Variants in ANKS4B observed in about 807,000 individuals in gnomAD.
The protein encoded by ANKS4B is ankyrin repeat and sterile alpha motif domain containing 4B.
A neutral mutation model predicts 20.2 loss-of-function variants in ANKS4B; 21 were observed. The observed-to-expected ratio is 1.04, with a 90% CI of 0.74 to 1.50. The LOEUF (loss-of-function observed/expected upper bound fraction) is 1.50, where lower values mean the gene tolerates loss of function less well. Among genes scored for constraint, ANKS4B ranks in the 40% most tolerant of loss-of-function variants. ANKS4B has a pLI of 0.00. For missense variants in ANKS4B, 473 were observed against 494.6 expected, an observed-to-expected ratio of 0.96 and a Z score of 0.41; for synonymous variants, 179 against 194.5, an observed-to-expected ratio of 0.92 and a Z score of 0.66.
Position 21,250,813 on chromosome 16 carries a change from G to A in ANKS4B, c.1247G>A (p.Ser416Asn). 6.3e-7 allele frequency: 1 copy of A among 1,588,520 alleles called. No individual in the cohort carries two copies. The highest frequency in any genetic ancestry group is 2.3e-5 in the East Asian group (1 of 44,290). Residue 416 changes from serine to asparagine, a missense_variant, in exon 2 of 2, where the codon AGC becomes AAC. Physicochemically the swap from Ser to Asn is conservative, Grantham distance 46. Transcript: ENST00000311620. ...LQQPGQLVDT[S>N]L ...CAGCCTGGGCAGCTGGTCGACACCA[G>A]CCTGTGATGGAGAGTTTTGGCCTGG...
At chr16:21,239,930 T>C (rs974550318) in intron 1 of ANKS4B, among the ~76,000 whole-genome samples, 1 of 152,126 alleles carries the variant, frequency 6.6e-6, no homozygotes, top group African/African-American at 2.4e-5. Flanking sequence ...AGTTTACCTA[T>C]ATAACAAACC....
chr16:21,234,817 A>G (rs1466251137), intron 1 of ANKS4B, among the ~76,000 whole-genome samples: 1 of 152,066 alleles, frequency 6.6e-6, no homozygotes, highest in East Asian at 1.9e-4. Flanking sequence ...TGAGAGGGGA[A>G]GACAAGACAT....
intron 1 of ANKS4B, among the ~76,000 whole-genome samples, chr16:21,244,938 G>A (rs1012129616): frequency 1.3e-5 from 2 of 152,062 alleles, no homozygotes; most frequent in Admixed American, 1.3e-4. Flanking sequence ...CACACACTCT[G>A]GTCACGCTGA....
Position 21,239,908 on chromosome 16 carries a change from A to C in ANKS4B, c.164+6007A>C, listed in dbSNP as rs77746438. Reference sequence around the variant, plus strand: ...GGTGACAAAATTATCTACAACAAACACTCGTGATATGAGTTTACCTATATA... The same window carrying C: ...GGTGACAAAATTATCTACAACAAACCCTCGTGATATGAGTTTACCTATATA... On this transcript the variant is annotated intron_variant, in intron 1 of 1. Coordinates refer to ENST00000311620, the MANE Select transcript of ANKS4B (RefSeq NM_145865.3). Among the ~76,000 whole-genome samples the C allele has an allele frequency of 5.9e-3, 902 of 151,994 alleles. 35 individuals carry two copies. The East Asian group carries it at 0.084, about 14-fold the overall frequency.
rs1198402988 is a variant in ANKS4B at position 21,250,222 on chromosome 16, TG to T, written c.660del (p.Lys221ArgfsTer10). ...AAGAACAAAGATACAGCAGAACAGG[TG>T]GGGAAGGAAGGCAGAAGTGGGCAGA... Reference protein sequence around the residue: ...FKKNKDTAEQVGKEGRSGQRN... With the variant: ...FKKNKDTAEQXGKEGRSGQRN... On this transcript the variant is annotated frameshift_variant, in exon 2 of 2. Coordinates refer to ENST00000311620, the MANE Select transcript of ANKS4B (RefSeq NM_145865.3). LOFTEE classifies it high-confidence loss of function. The T allele has an allele frequency of 6.2e-7, 1 of 1,613,626 alleles. No individual in the cohort carries two copies. Among genetic ancestry groups the T allele is most frequent in the Non-Finnish European group, 8.5e-7 (1 of 1,179,922 alleles).
intron 1 of ANKS4B, chr16:21,239,013 AG>A (rs1397146061): frequency 1.3e-5 from 2 of 152,226 alleles, no homozygotes; most frequent in African/African-American, 4.8e-5. Flanking sequence ...AACCAGTGTG[AG>A]GTCAAATTTC....
At chr16:21,235,686 A>G (rs889186712) in intron 1 of ANKS4B, among the ~76,000 whole-genome samples, 4 of 152,134 alleles carry the variant, frequency 2.6e-5, no homozygotes, top group African/African-American at 9.7e-5. Context: ...AAGGAAAAGG[A>G]GGGTTAAGGT....
chr16:21,247,444 C>T (rs900992315), intron 1 of ANKS4B, among the ~76,000 whole-genome samples: 5 of 152,104 alleles, frequency 3.3e-5, no homozygotes, highest in East Asian at 1.9e-4. Flanking sequence ...ATGGTCGTGG[C>T]GCACTAACAG....
At chr16:21,238,914 G>A (rs2093323293) in intron 1 of ANKS4B, 1 of 152,020 alleles carries the variant, frequency 6.6e-6, no homozygotes, top group Non-Finnish European at 1.5e-5. Flanking sequence ...AAAGCATCTG[G>A]GATCTGCTGT....
rs72782831 is a variant in ANKS4B at position 21,237,523 on chromosome 16, G to A, written c.164+3622G>A. On this transcript the variant is annotated intron_variant, in intron 1 of 1. Coordinates refer to ENST00000311620, the MANE Select transcript of ANKS4B (RefSeq NM_145865.3). ...GGTGTCTGATGACAGCCCTGTCTCC[G>A]CTTCCAAGATGGTGCCTTGTTGTTG... 4.1e-3 allele frequency among the ~76,000 whole-genome samples: 621 copies of A among 151,682 alleles called. 3 individuals carry two copies. The highest frequency in any genetic ancestry group is 0.015 in the South Asian group (72 of 4,794).
intron 1 of ANKS4B, among the ~76,000 whole-genome samples, chr16:21,245,302 C>T (rs1258927698): frequency 6.6e-6 from 1 of 152,132 alleles, no homozygotes; most frequent in Non-Finnish European, 1.5e-5. Flanking sequence ...CATTCAGTCA[C>T]TTACATGACT....
chr16:21,249,401 G>T (rs2093335957), intron 1 of ANKS4B, among the ~76,000 whole-genome samples: 2 of 152,214 alleles, frequency 1.3e-5, no homozygotes, highest in African/African-American at 4.8e-5. Context: ...ACCTGAGCCT[G>T]GGAGGTCAAG....
Position 21,250,624 on chromosome 16 carries a change from T to C in ANKS4B, c.1058T>C (p.Leu353Pro), listed in dbSNP as rs1172107028. 6.2e-7 allele frequency: 1 copy of C among 1,614,100 alleles called. No homozygotes were observed. The highest frequency in any genetic ancestry group is 2.2e-5 in the East Asian group (1 of 44,882). The change falls in exon 2 of 2, where the codon CTG (leucine) becomes CCG (proline). Residue 353 changes from leucine (L) to proline (P), a missense_variant. Transcript: ENST00000311620. The part of the protein sequence containing the change: ...VDATPLEVFL[L>P]SQHLEEFLPI... ...GCCACGCCCCTGGAAGTGTTCTTGC[T>C]GTCTCAGCACCTGGAAGAATTCCTG...
Position 21,250,265 on chromosome 16 carries a change from G to A in ANKS4B, c.699G>A (p.Val233=), listed in dbSNP as rs752935535. 1 of 1,614,232 alleles carries A rather than the reference G, an allele frequency of 6.2e-7. No individual in the cohort carries two copies. Among genetic ancestry groups the A allele is most frequent in the Non-Finnish European group, 8.5e-7 (1 of 1,180,046 alleles). Residue 233 remains valine (V), a synonymous_variant, in exon 2 of 2, where the codon GTG becomes GTA. Coordinates refer to ENST00000311620, the MANE Select transcript of ANKS4B (RefSeq NM_145865.3). ...GTGGGCAGAGGAACGTGATGGAAGT[G>A]TTCAGAGAGGAAGAGGAAGACTCGT... The part of the protein sequence containing the change: ...GRSGQRNVME[V]FREEEEDSFS...
intron 1 of ANKS4B, 44 bp from the exon 2 acceptor site, chr16:21,249,687 A>G: frequency 6.5e-7 from 1 of 1,538,062 alleles, no homozygotes; most frequent in Non-Finnish European, 8.7e-7. Context: ...GCGTTCAGAG[A>G]AAAAAAGTCC....
Position 21,248,007 on chromosome 16 carries a change from A to T in ANKS4B, c.165-1724A>T, listed in dbSNP as rs2093334384. Among the ~76,000 whole-genome samples, 3 of 152,248 alleles carry T rather than the reference A, an allele frequency of 2.0e-5. No individual in the cohort carries two copies. In the South Asian group the frequency reaches 6.2e-4, roughly 32 times the overall value. ...AGACACTGTTTGCTACCTCTCCAAC[A>T]TCCTTTTCTTTCTTCTTTCCTGCTG... On this transcript the variant is annotated intron_variant, in intron 1 of 1. Coordinates refer to ENST00000311620, the MANE Select transcript of ANKS4B (RefSeq NM_145865.3).
chr16:21,239,265 C>T (rs548376605), intron 1 of ANKS4B, among the ~76,000 whole-genome samples: 66 of 152,086 alleles, frequency 4.3e-4, no homozygotes, highest in African/African-American at 1.6e-3. Context: ...GGGTATATAC[C>T]CAAAGGAATA....
At chr16:21,235,628 G>T (rs375596530) in intron 1 of ANKS4B, among the ~76,000 whole-genome samples, 1 of 152,288 alleles carries the variant, frequency 6.6e-6, no homozygotes. Context: ...GATTTGAGTG[G>T]CAGTTTGGAT....
intron 1 of ANKS4B, among the ~76,000 whole-genome samples, chr16:21,245,790 A>G (rs2093331591): frequency 6.6e-6 from 1 of 152,188 alleles, no homozygotes; most frequent in African/African-American, 2.4e-5. Flanking sequence ...AAAACCCACA[A>G]GCATTATTGT....
Sources: gnomAD v4.1 joint callset for allele counts (sites outside exome capture counted in the v4.1 genomes callset) on GRCh38, gnomAD v4.1.1 for gene constraint, MANE v1.5 for transcripts, NCBI Gene and HGNC (gene_info 2026-07-23, HGNC 2026-07-21) for gene names.